SORCS2: variants seen among roughly 807,000 people sequenced by gnomAD.
SORCS2 encodes sortilin related VPS10 domain containing receptor 2, also known as VPS10 domain-containing receptor SorCS2.
Under a neutral mutation model 141.6 loss-of-function variants are expected in SORCS2, and 100 were observed. The ratio of observed to expected loss-of-function variants is 0.71; its 90% CI spans 0.60 to 0.83. SORCS2 has a LOEUF of 0.83. Ranked by LOEUF, SORCS2 falls within the 40% of genes least tolerant of loss-of-function variation. SORCS2 has a pLI of 0.00. For synonymous variants in SORCS2, 789 were observed against 676.9 expected, an observed-to-expected ratio of 1.17 and a Z score of -2.57; for missense variants, 1,646 against 1,560.2, an observed-to-expected ratio of 1.05 and a Z score of -0.93.
intron 19 of SORCS2, among the ~76,000 whole-genome samples, chr4:7,724,517 T>C (rs1174887812): frequency 6.9e-6 from 1 of 144,748 alleles, no homozygotes; most frequent in African/African-American, 2.6e-5. Flanking sequence ...GTGGTGATGG[T>C]GGTGATAGGG....
intron 2 of SORCS2, among the ~76,000 whole-genome samples, chr4:7,423,857 C>A (rs1230393298): frequency 2.0e-5 from 3 of 152,210 alleles, no homozygotes; most frequent in Non-Finnish European, 4.4e-5. Flanking sequence ...GTAATGTTGG[C>A]CAGTTTTCAT....
chr4:7,236,913 A>G (rs971685300), intron 1 of SORCS2, among the ~76,000 whole-genome samples: 31 of 152,354 alleles, frequency 2.0e-4, no homozygotes, highest in African/African-American at 7.5e-4. Context: ...CTCATCTCAC[A>G]GGAGAAACTT....
chr4:7,724,129 GGTGGTGGTGGTGATGGTC>G (rs1726810666), intron 19 of SORCS2, among the ~76,000 whole-genome samples: 3 of 140,674 alleles, frequency 2.1e-5, no homozygotes, highest in African/African-American at 5.7e-5. Flanking sequence ...TGGTGGTGGT[GGTGGTGGTGGTGATGGTC>G]GTGGTGGTGG....
In SORCS2 at chr4:7,729,826, C is replaced by G; in HGVS notation, c.3108+114C>G. ...TCATGGCATAAAGGCGTCTTTCTCG[C>G]TGCATCTCAGTCTGACTCAGGGTGG... On this transcript the variant is annotated intron_variant, in intron 23 of 26. Transcript: ENST00000507866. The G allele has an allele frequency of 1.4e-6, 2 of 1,424,538 alleles. 1 individual carries two copies. Among genetic ancestry groups the G allele is most frequent in the South Asian group, 2.8e-5 (2 of 70,876 alleles). 88.2% of individuals were successfully genotyped at this position (1,424,538 alleles called of 1,614,324 possible).
chr4:7,548,184 CT>C (rs905357026), intron 3 of SORCS2, among the ~76,000 whole-genome samples: 1 of 152,218 alleles, frequency 6.6e-6, no homozygotes, highest in Admixed American at 6.5e-5. Context: ...ACCAACCTTG[CT>C]TTTTCAAAGT....
At chr4:7,307,113 G>A (rs1286865092) in intron 1 of SORCS2, among the ~76,000 whole-genome samples, 1 of 152,178 alleles carries the variant, frequency 6.6e-6, no homozygotes, top group Admixed American at 6.5e-5. Context: ...AAGCTTCTGT[G>A]CCTGGATTAG....
chr4:7,238,287 G>T (rs1007033272), intron 1 of SORCS2, among the ~76,000 whole-genome samples: 12 of 145,370 alleles, frequency 8.3e-5, no homozygotes, highest in Non-Finnish European at 1.2e-4. Context: ...GGTAGAGGGA[G>T]TCTGGGGGGG....
intron 2 of SORCS2, among the ~76,000 whole-genome samples, chr4:7,407,137 T>C (rs964024404): frequency 6.6e-6 from 1 of 152,100 alleles, no homozygotes; most frequent in Non-Finnish European, 1.5e-5. Flanking sequence ...TATGTGCTGA[T>C]GAATTCTATA....
chr4:7,309,056 A>C (rs970347833), intron 1 of SORCS2, among the ~76,000 whole-genome samples: 5 of 152,180 alleles, frequency 3.3e-5, no homozygotes, highest in African/African-American at 9.7e-5. Context: ...TGCCCTGCAC[A>C]CTGGACCGTG....
rs1727123226 is a variant in SORCS2 at position 7,725,146 on chromosome 4, C to G, written c.2612-8C>G. 6.2e-7 allele frequency: 1 copy of G among 1,610,656 alleles called. No individual in the cohort carries two copies. The highest frequency in any genetic ancestry group is 8.5e-7 in the Non-Finnish European group (1 of 1,178,474). On this transcript the variant is annotated splice_polypyrimidine_tract_variant and splice_region_variant and intron_variant, in intron 19 of 26. Coordinates refer to ENST00000507866, the MANE Select transcript of SORCS2 (RefSeq NM_020777.3). ...TCATCTAACCCTGGCCTTTTTGGGT[C>G]CCCACAGCCCCCCTGCAGGCCCTCT...
chr4:7,296,858 G>A (rs913280212), intron 1 of SORCS2, among the ~76,000 whole-genome samples: 2 of 152,138 alleles, frequency 1.3e-5, no homozygotes, highest in African/African-American at 2.4e-5. Flanking sequence ...CTTGGCTCTC[G>A]GGGACAGAAG....
chr4:7,203,165 C>T (rs981444959), intron 1 of SORCS2, among the ~76,000 whole-genome samples: 1 of 152,230 alleles, frequency 6.6e-6, no homozygotes, highest in Non-Finnish European at 1.5e-5. Flanking sequence ...GGCGTGGTGG[C>T]TCACGCCTGT....
intron 1 of SORCS2, among the ~76,000 whole-genome samples, chr4:7,364,659 G>A (rs1721775677): frequency 6.6e-6 from 1 of 152,200 alleles, no homozygotes; most frequent in Non-Finnish European, 1.5e-5. Context: ...CAGAATGCAA[G>A]TCAGGGAGCA....
At chr4:7,376,524 C>T (rs942901663) in intron 1 of SORCS2, among the ~76,000 whole-genome samples, 1 of 152,156 alleles carries the variant, frequency 6.6e-6, no homozygotes, top group Admixed American at 6.5e-5. Flanking sequence ...TTGCAATGAG[C>T]CAAGATTGCG....
At chr4:7,204,302 A>G (rs1307551427) in intron 1 of SORCS2, among the ~76,000 whole-genome samples, 1 of 151,944 alleles carries the variant, frequency 6.6e-6, no homozygotes, top group Non-Finnish European at 1.5e-5. Context: ...TGCAGCCTCA[A>G]CCTCCTCTGA....
At chr4:7,457,744 A>C (rs969472211) in intron 2 of SORCS2, among the ~76,000 whole-genome samples, 47 of 152,278 alleles carry the variant, frequency 3.1e-4, no homozygotes, top group African/African-American at 1.1e-3. Flanking sequence ...CACCAGGAAC[A>C]GCATCAGGGG....
In SORCS2 at chr4:7,325,197, G is replaced by A. The variant is rs548921331; in HGVS notation, c.481-71091G>A. Among the ~76,000 whole-genome samples, 46 of 152,126 alleles carry A rather than the reference G, an allele frequency of 3.0e-4. No homozygotes were observed. In the South Asian group the frequency reaches 5.0e-3, roughly 16 times the overall value. On this transcript the variant is annotated intron_variant, in intron 1 of 26. Transcript: ENST00000507866. The stretch of plus-strand genomic sequence containing the variant: ...GCAGGGCACTGGGGAGTAGGTGGGG[G>A]GCTTTTCATCTTGGCTCTTTCCCTC...
chr4:7,452,498 C>T (rs1489990669), intron 2 of SORCS2, among the ~76,000 whole-genome samples: 9 of 152,132 alleles, frequency 5.9e-5, no homozygotes, highest in Non-Finnish European at 1.0e-4. Context: ...GATGCTTTTC[C>T]GTTTTCACCT....
chr4:7,416,079 G>C (rs577098543), intron 2 of SORCS2, among the ~76,000 whole-genome samples: 1 of 152,336 alleles, frequency 6.6e-6, no homozygotes, highest in South Asian at 2.1e-4. Context: ...GAGGATGGCA[G>C]GGGAGTGCAC....
Sources: gnomAD v4.1 joint callset for allele counts (sites outside exome capture counted in the v4.1 genomes callset) on GRCh38, gnomAD v4.1.1 for gene constraint, MANE v1.5 for transcripts, NCBI Gene and HGNC (gene_info 2026-07-23, HGNC 2026-07-21) for gene names.